The following VWA3B variants were observed in gnomAD, a reference collection of about 807,000 sequenced individuals.
The protein encoded by VWA3B is von Willebrand factor A domain-containing protein 3B.
VWA3B carries 138 observed loss-of-function variants against 158.3 expected under a neutral mutation model. That is an observed-to-expected ratio of 0.87 (90% CI 0.76 to 1.00). VWA3B has a LOEUF of 1.00. Ranked by LOEUF, VWA3B falls within the 50% of genes least tolerant of loss-of-function variation. VWA3B has a pLI of 0.00. For missense variants in VWA3B, 1,555 were observed against 1,565.1 expected (o/e 0.99, Z 0.11); for synonymous variants, 596 against 587.3 (o/e 1.01, Z -0.21).
intron 17 of VWA3B, among the ~76,000 whole-genome samples, chr2:98,235,663 T>C (rs960512183): frequency 3.9e-5 from 6 of 152,332 alleles, no homozygotes; most frequent in African/African-American, 1.4e-4. Flanking sequence ...TGACCTCAAG[T>C]GAGCCACCCG....
intron 11 of VWA3B, 23 bp downstream of exon 11, chr2:98,193,059 T>C (rs757020077): frequency 6.3e-7 from 1 of 1,594,994 alleles, no homozygotes; most frequent in Non-Finnish European, 8.5e-7. Flanking sequence ...TGTCGGTTCA[T>C]GCATTTGGGG....
At chr2:98,215,419 C>T (rs1315263998) in intron 13 of VWA3B, among the ~76,000 whole-genome samples, 3 of 148,074 alleles carry the variant, frequency 2.0e-5, no homozygotes, top group Non-Finnish European at 3.0e-5. Context: ...CTAGCCCGGG[C>T]GACAGAGCGA....
rs1159308378 is a variant in VWA3B, at chr2:98,119,560, A to G, written c.339A>G (p.Thr113=). 3 of 1,614,158 alleles carry G rather than the reference A, an allele frequency of 1.9e-6. No homozygotes were observed. Among genetic ancestry groups the G allele is most frequent in the Admixed American group, 3.3e-5 (2 of 60,024 alleles). Residue 113 remains threonine, a synonymous_variant, in exon 4 of 28, where the codon ACA becomes ACG. Coordinates refer to ENST00000477737, the MANE Select transcript of VWA3B (RefSeq NM_144992.5). ...ELIYQFVEHL[T]QAVESYKQRM... ...TTTATCAGTTTGTGGAACATTTAAC[A>G]CAAGCTGTGGAGAGCTACAAGCAGC...
rs1361511617 is a variant in VWA3B at position 98,190,121 on chromosome 2, G to GT, written c.1466+1998dup. On this transcript the variant is annotated intron_variant, in intron 10 of 27. Transcript: ENST00000477737. ...TTTGTTTTCTGTTCCCTTTTTACTGGTTTTTTGCCTTCTTTTGTTTGAGTA... is the reference window on the plus strand; with the variant it reads ...TTTGTTTTCTGTTCCCTTTTTACTGGTTTTTTTGCCTTCTTTTGTTTGAGTA... Among the ~76,000 whole-genome samples the GT allele has an allele frequency of 2.0e-5, 3 of 151,734 alleles. No individual in the cohort carries two copies. The East Asian group carries it at 5.8e-4, about 29-fold the overall frequency.
chr2:98,327,412 A>G, the VWA3B span, among the ~76,000 whole-genome samples: 5 of 152,268 alleles, frequency 3.3e-5, no homozygotes, highest in Non-Finnish European at 5.9e-5. Context: ...AACAAAGATT[A>G]CAATGAAAGC....
At position 98,298,049 on chromosome 2, in the gene VWA3B, T is replaced by A; in HGVS notation, c.3282+18T>A. 1 of 1,493,588 alleles carries A rather than the reference T, an allele frequency of 6.7e-7. No individual in the cohort carries two copies. 92.5% of individuals were successfully genotyped at this position (1,493,588 alleles called of 1,614,324 possible). A position where few individuals can be genotyped will look rare whatever the true frequency, so the allele number is the denominator to read the frequency against. Reference sequence around the variant, plus strand: ...TGCTCCAGGTACCCAGTCCCTGATGTGTTCTGGGGCCCCTTTTCACCATCC... The same window carrying A: ...TGCTCCAGGTACCCAGTCCCTGATGAGTTCTGGGGCCCCTTTTCACCATCC... On this transcript the variant is annotated intron_variant, in intron 24 of 27. Transcript: ENST00000477737.
chr2:98,090,960 A>G (rs1682245486), intron 1 of VWA3B, among the ~76,000 whole-genome samples: 1 of 151,524 alleles, frequency 6.6e-6, no homozygotes, highest in Non-Finnish European at 1.5e-5. Flanking sequence ...GTCCTCCACT[A>G]TGTTGGTCAG....
At chr2:98,091,449 C>G (rs1329058276) in intron 1 of VWA3B, among the ~76,000 whole-genome samples, 1 of 152,178 alleles carries the variant, frequency 6.6e-6, no homozygotes, top group Non-Finnish European at 1.5e-5. Context: ...TCACAGAACA[C>G]AGATCCTGGA....
At chr2:98,108,531 T>C (rs979564340) in intron 2 of VWA3B, among the ~76,000 whole-genome samples, 1 of 152,220 alleles carries the variant, frequency 6.6e-6, no homozygotes, top group African/African-American at 2.4e-5. Flanking sequence ...GCAGTTCTAT[T>C]GGGTGATACA....
chr2:98,154,868 T>A (rs1347513058), intron 7 of VWA3B, among the ~76,000 whole-genome samples: 1 of 152,178 alleles, frequency 6.6e-6, no homozygotes, highest in Non-Finnish European at 1.5e-5. Flanking sequence ...ACATTTACTA[T>A]TGCAAAGTTG....
chr2:98,206,942 T>A (rs1683072147), intron 12 of VWA3B: 15 of 470,306 alleles, frequency 3.2e-5, no homozygotes, highest in South Asian at 2.2e-4. Flanking sequence ...TCCAAGGTAA[T>A]GCTGATGTAA....
At chr2:98,133,498 G>C (rs747585024) in intron 6 of VWA3B, among the ~76,000 whole-genome samples, 3 of 152,100 alleles carry the variant, frequency 2.0e-5, no homozygotes, top group African/African-American at 7.2e-5. Context: ...TTGACATGAC[G>C]GAACCCTGGG....
intron 5 of VWA3B, 107 bp downstream of exon 5, chr2:98,121,565 C>T (rs1674964535): frequency 2.1e-6 from 3 of 1,429,896 alleles, no homozygotes; most frequent in East Asian, 4.7e-5. Flanking sequence ...GGGCCCCTCC[C>T]AGCAGGATCC....
chr2:98,171,868 A>G (rs1031472936), intron 8 of VWA3B, among the ~76,000 whole-genome samples: 2 of 152,128 alleles, frequency 1.3e-5, no homozygotes, highest in African/African-American at 4.8e-5. Flanking sequence ...ATCGACAGTG[A>G]AAGAGGAAAA....
intron 2 of VWA3B, among the ~76,000 whole-genome samples, chr2:98,095,935 T>A (rs1382244883): frequency 6.6e-6 from 1 of 152,240 alleles, no homozygotes; most frequent in African/African-American, 2.4e-5. Context: ...CTGATTTGCA[T>A]ATGTTGAACC....
At chr2:98,271,492 CAG>C (rs1194614515) in intron 22 of VWA3B, among the ~76,000 whole-genome samples, 1 of 152,086 alleles carries the variant, frequency 6.6e-6, no homozygotes, top group Non-Finnish European at 1.5e-5. Context: ...TAGGTGCAAT[CAG>C]AGTGTCCATA....
intron 2 of VWA3B, among the ~76,000 whole-genome samples, chr2:98,109,871 A>G (rs907089794): frequency 6.6e-6 from 1 of 151,364 alleles, no homozygotes; most frequent in African/African-American, 2.4e-5. Flanking sequence ...GAAAACCACT[A>G]TCATTAGAAT....
At chr2:98,297,821 C>T in intron 23 of VWA3B, 86 bp from the exon 24 acceptor site, 2 of 1,393,600 alleles carry the variant, frequency 1.4e-6, no homozygotes, top group South Asian at 1.8e-5. Flanking sequence ...AGTGTTATAA[C>T]TCAGCATGGC....
At chr2:98,215,149 A>C (rs1683865905) in intron 13 of VWA3B, among the ~76,000 whole-genome samples, 1 of 152,188 alleles carries the variant, frequency 6.6e-6, no homozygotes, top group Non-Finnish European at 1.5e-5. Context: ...TATGGATAAT[A>C]GCTGGAGTTA....
Sources: gnomAD v4.1 joint callset for allele counts (sites outside exome capture counted in the v4.1 genomes callset) on GRCh38, gnomAD v4.1.1 for gene constraint, MANE v1.5 for transcripts, NCBI Gene and HGNC (gene_info 2026-07-23, HGNC 2026-07-21) for gene names.